RIMS1: variants seen among roughly 807,000 people sequenced by gnomAD.
RIMS1 encodes regulating synaptic membrane exocytosis 1, also known as regulating synaptic membrane exocytosis protein 1.
In RIMS1, 83 loss-of-function variants were observed where a neutral mutation model predicts 214.1. The ratio of observed to expected loss-of-function variants is 0.39; its 90% CI spans 0.32 to 0.47. The LOEUF is 0.47. RIMS1 is among the 20% of genes least tolerant of loss of function. The pLI, the probability that RIMS1 is intolerant of heterozygous loss-of-function variation, is 0.99. For synonymous variants in RIMS1, 793 were observed against 786.8 expected (o/e 1.01, Z -0.13); for missense variants, 2,050 against 2,161.8 (o/e 0.95, Z 1.03).
intron 4 of RIMS1, among the ~76,000 whole-genome samples, chr6:72,114,373 T>G (rs2036665682): frequency 6.6e-6 from 1 of 152,030 alleles, no homozygotes; most frequent in Non-Finnish European, 1.5e-5. Context: ...AGAAGTTTAG[T>G]GATTTTCTAT....
chr6:72,275,009 C>T (rs2085442879), intron 23 of RIMS1, among the ~76,000 whole-genome samples: 2 of 150,762 alleles, frequency 1.3e-5, no homozygotes, highest in Admixed American at 1.3e-4. Context: ...AAAATAGCAT[C>T]AGTGCTTTGA....
At chr6:72,287,748 T>C (rs2746199) in intron 24 of RIMS1, among the ~76,000 whole-genome samples, 56,569 of 151,828 alleles carry the variant, frequency 0.37, 11,008 homozygotes, top group African/African-American at 0.41. Flanking sequence ...GTGCGTGCTA[T>C]ACGCCCGGCT....
At chr6:72,270,667 C>CACACAAACTTCTGCT (rs2082600131) in intron 22 of RIMS1, among the ~76,000 whole-genome samples, 1 of 152,146 alleles carries the variant, frequency 6.6e-6, no homozygotes, top group South Asian at 2.1e-4. Context: ...TTCACTGAGC[C>CACACAAACTTCTGCT]ACACAAACTT....
intron 29 of RIMS1, chr6:72,365,684 T>G (rs1408143746): frequency 6.6e-6 from 1 of 152,242 alleles, no homozygotes; most frequent in Non-Finnish European, 1.5e-5. Context: ...TTGCTGACTT[T>G]TACTCCTTCA....
intron 6 of RIMS1, among the ~76,000 whole-genome samples, chr6:72,214,707 C>T (rs1015336660): frequency 4.0e-5 from 6 of 151,830 alleles, no homozygotes; most frequent in Non-Finnish European, 7.4e-5. Context: ...CCTACATAGG[C>T]TTATATGATT....
intron 1 of RIMS1, among the ~76,000 whole-genome samples, chr6:71,894,415 C>T (rs1377745720): frequency 2.0e-5 from 3 of 151,980 alleles, no homozygotes; most frequent in Non-Finnish European, 4.4e-5. Flanking sequence ...CACTGCAGTC[C>T]AGCCTGGGCA....
chr6:72,235,773 T>A, intron 8 of RIMS1, 45 bp downstream of exon 8: 1 of 1,156,044 alleles, frequency 8.7e-7, no homozygotes, highest in Non-Finnish European at 1.2e-6. Context: ...TGAATTACAG[T>A]ATGGTCTGCA....
At position 72,182,336 on chromosome 6, in the gene RIMS1, G is replaced by C; in HGVS notation, c.865G>C (p.Glu289Gln). Residue 289 changes from glutamate (E) to glutamine (Q), a missense_variant, in exon 6 of 34, where the codon GAG becomes CAG. Glu to Gln is a conservative substitution (Grantham distance 29). Transcript: ENST00000521978. ...EQNGKGALKSERKRVPKTSAQ... is the reference protein window; with the variant it reads ...EQNGKGALKSQRKRVPKTSAQ... ...GAATGGCAAAGGAGCCCTGAAGAGC[G>C]AGCGGAAACGCGTGCCAAAGACCTC... The C allele has an allele frequency of 6.2e-7, 1 of 1,612,250 alleles. No homozygotes were observed.
chr6:72,134,429 A>G (rs1204704729), intron 4 of RIMS1, among the ~76,000 whole-genome samples: 1 of 152,068 alleles, frequency 6.6e-6, no homozygotes, highest in Non-Finnish European at 1.5e-5. Flanking sequence ...TGAGAATTTC[A>G]GATTTTAATA....
At chr6:72,228,693 A>G (rs915672383) in intron 6 of RIMS1, among the ~76,000 whole-genome samples, 22 of 152,002 alleles carry the variant, frequency 1.4e-4, no homozygotes, top group African/African-American at 5.3e-4. Context: ...TTGCTAGACC[A>G]TATGGTAGTT....
intron 4 of RIMS1, among the ~76,000 whole-genome samples, chr6:72,111,316 G>A (rs78152056): frequency 0.015 from 2,332 of 151,944 alleles, 63 homozygotes; most frequent in African/African-American, 0.051. Flanking sequence ...ACCACCTTCC[G>A]TTAGTAATAT....
intron 1 of RIMS1, among the ~76,000 whole-genome samples, chr6:71,920,891 G>A (rs1356318112): frequency 6.6e-6 from 1 of 152,220 alleles, no homozygotes; most frequent in Non-Finnish European, 1.5e-5. Flanking sequence ...ATAAGGTGTT[G>A]TAATATTTTT....
intron 6 of RIMS1, among the ~76,000 whole-genome samples, chr6:72,210,398 A>T (rs1460439803): frequency 6.6e-6 from 1 of 152,170 alleles, no homozygotes; most frequent in African/African-American, 2.4e-5. Flanking sequence ...TTATTTTTCT[A>T]GAAAAGAATA....
intron 2 of RIMS1, among the ~76,000 whole-genome samples, chr6:72,094,626 A>G (rs2030660370): frequency 6.6e-6 from 1 of 152,194 alleles, no homozygotes; most frequent in Non-Finnish European, 1.5e-5. Flanking sequence ...ATTCATTTAC[A>G]TACTATCTGT....
At chr6:72,382,609 T>A (rs998229170) in intron 29 of RIMS1, among the ~76,000 whole-genome samples, 1 of 152,216 alleles carries the variant, frequency 6.6e-6, no homozygotes, top group African/African-American at 2.4e-5. Flanking sequence ...GTTCAAATGA[T>A]ATGTCACTGT....
chr6:72,230,901 C>T (rs567448390), intron 6 of RIMS1, among the ~76,000 whole-genome samples: 10 of 151,508 alleles, frequency 6.6e-5, no homozygotes, highest in East Asian at 1.9e-4. Context: ...AAGCAGCTGA[C>T]GTATTTCCTG....
intron 2 of RIMS1, among the ~76,000 whole-genome samples, chr6:72,080,622 A>G (rs540860599): frequency 6.6e-6 from 1 of 152,318 alleles, no homozygotes; most frequent in South Asian, 2.1e-4. Context: ...GAAAGCTCAC[A>G]TAACCTGTGT....
rs144175701 is a variant in RIMS1, at chr6:72,145,536, T to C, written c.472-34039T>C. 5.9e-3 allele frequency among the ~76,000 whole-genome samples: 892 copies of C among 152,066 alleles called. 5 individuals carry two copies. The highest frequency in any genetic ancestry group is 0.032 in the East Asian group (164 of 5,168). ...CTGAGGCAGGAGAATCACTTGAACC[T>C]GGGAGGCAGAGGTTGCAGTGAGCCC... On this transcript the variant is annotated intron_variant, in intron 4 of 33. Coordinates refer to ENST00000521978, the MANE Select transcript of RIMS1 (RefSeq NM_014989.7).
intron 28 of RIMS1, among the ~76,000 whole-genome samples, chr6:72,316,082 TAAAAC>T (rs989731255): frequency 6.6e-6 from 1 of 152,078 alleles, no homozygotes; most frequent in Non-Finnish European, 1.5e-5. Flanking sequence ...ATCTTCTTTT[TAAAAC>T]AAACAAAACA....
Sources: allele counts gnomAD v4.1 joint callset (sites outside exome capture counted in the v4.1 genomes callset), GRCh38; gene constraint gnomAD v4.1.1; transcripts MANE v1.5; gene names NCBI Gene and HGNC (gene_info 2026-07-23, HGNC 2026-07-21).